LSP1: variants seen among roughly 807,000 people sequenced by gnomAD.
LSP1 encodes the protein lymphocyte-specific protein 1.
LSP1 carries 32 observed loss-of-function variants against 49.3 expected under a neutral mutation model. The ratio of observed to expected loss-of-function variants is 0.65; its 90% CI spans 0.49 to 0.87. The LOEUF is 0.87. Ranked by LOEUF, LSP1 falls within the 40% of genes least tolerant of loss-of-function variation. The probability of loss-of-function intolerance (pLI) is 0.00; values close to 1 mark genes in which losing one functional copy is unlikely to be tolerated. For synonymous variants in LSP1, 179 were observed against 178.8 expected, an observed-to-expected ratio of 1.00 and a Z score of -0.01; for missense variants, 428 against 442.6, an observed-to-expected ratio of 0.97 and a Z score of 0.30.
At chr11:1,889,553 G>A (rs1848901080) in intron 10 of LSP1, 1 of 613,186 alleles carries the variant, frequency 1.6e-6, no homozygotes, top group Non-Finnish European at 3.0e-6. Flanking sequence ...GCTGCTTCTT[G>A]AGCCACGTCC....
At chr11:1,885,113 C>T (rs536368493) in intron 7 of LSP1, among the ~76,000 whole-genome samples, 1 of 151,850 alleles carries the variant, frequency 6.6e-6, no homozygotes, top group South Asian at 2.1e-4. Context: ...TCCATCCAAT[C>T]AGTGCCTCTG....
At chr11:1,887,659 G>GCAACA in intron 10 of LSP1, 83 bp downstream of exon 10, 1 of 1,102,292 alleles carries the variant, frequency 9.1e-7, no homozygotes, top group Non-Finnish European at 1.3e-6. Flanking sequence ...GAGGCTGCCT[G>GCAACA]GAGCCCTGTT....
At position 1,865,120 on chromosome 11, in the gene LSP1, A is replaced by T. The variant is rs1589809464; in HGVS notation, c.53+11923A>T. On this transcript the variant is annotated intron_variant, in intron 1 of 10. Coordinates refer to ENST00000311604, the MANE Select transcript of LSP1 (RefSeq NM_002339.3). ...GAGGAGGGCAGCAGAGAGGAGGGCC[A>T]GCAGGACAGGAGCCTTTGAGATGCT... The T allele has an allele frequency of 3.3e-5, 28 of 845,684 alleles. No homozygotes were observed. The South Asian group carries it at 1.4e-3, about 41-fold the overall frequency. 52.4% of individuals were successfully genotyped at this position (845,684 alleles called of 1,614,324 possible).
At chr11:1,857,421 G>T (rs556374034) in intron 1 of LSP1, among the ~76,000 whole-genome samples, 2 of 152,334 alleles carry the variant, frequency 1.3e-5, no homozygotes, top group African/African-American at 4.8e-5. Context: ...AGTTCCCTGA[G>T]AACGTGCCAG....
intron 1 of LSP1, among the ~76,000 whole-genome samples, chr11:1,861,120 C>G (rs1412053406): frequency 2.0e-5 from 3 of 152,186 alleles, no homozygotes; most frequent in Admixed American, 2.0e-4. Flanking sequence ...AGGAACACTT[C>G]CTCCCATTTC....
At chr11:1,856,551 G>A (rs988826540) in intron 1 of LSP1, among the ~76,000 whole-genome samples, 5 of 152,208 alleles carry the variant, frequency 3.3e-5, no homozygotes, top group East Asian at 1.9e-4. Context: ...AGCCTCCCTC[G>A]CTTCTCTGTG....
At chr11:1,862,688 A>T (rs539431179) in intron 1 of LSP1, among the ~76,000 whole-genome samples, 1 of 151,702 alleles carries the variant, frequency 6.6e-6, no homozygotes, top group African/African-American at 2.4e-5. Flanking sequence ...TGAGTGATTT[A>T]GCTTTCCCTG....
intron 1 of LSP1, among the ~76,000 whole-genome samples, chr11:1,858,048 G>A (rs1297855486): frequency 5.3e-5 from 8 of 152,094 alleles, no homozygotes; most frequent in Non-Finnish European, 1.2e-4. Flanking sequence ...GAACCACCGC[G>A]CCCTGCCTTT....
At chr11:1,853,705 C>A (rs1417714704) in intron 1 of LSP1, among the ~76,000 whole-genome samples, 1 of 152,168 alleles carries the variant, frequency 6.6e-6, no homozygotes, top group Non-Finnish European at 1.5e-5. Context: ...GGCCTCAGGG[C>A]AGGGCACCCA....
rs778342263 is a variant in LSP1, at chr11:1,886,794, G to A, written c.780G>A (p.Val260=). The A allele has an allele frequency of 6.2e-7, 1 of 1,611,912 alleles. No individual in the cohort carries two copies. Among genetic ancestry groups the A allele is most frequent in the Admixed American group, 1.7e-5 (1 of 60,016 alleles). The part of the protein sequence containing the change: ...QASIELPSMA[V]ASTKSRWETG... The stretch of plus-strand genomic sequence containing the variant: ...CCATAGAGCTGCCCAGCATGGCTGT[G>A]GCCAGTACCAAGAGTCGGTGGGAGA... The change falls in exon 8 of 11, where the codon GTG becomes GTA. Residue 260 remains valine (V), a synonymous_variant. Coordinates refer to ENST00000311604, the MANE Select transcript of LSP1 (RefSeq NM_002339.3).
chr11:1,884,476 C>A lies in LSP1; in HGVS notation c.636-24C>A. On this transcript the variant is annotated intron_variant, in intron 6 of 10. Coordinates refer to ENST00000311604, the MANE Select transcript of LSP1 (RefSeq NM_002339.3). The surrounding 1 kb of genome is among the most constrained non-coding windows in gnomAD (Gnocchi z 4.1). ...GAGAAGCCTTGTGGGAGACATGGGG[C>A]CTGACACATCTTCTACCCTCCAGTA... 6.2e-7 allele frequency: 1 copy of A among 1,607,872 alleles called. No individual in the cohort carries two copies. Among genetic ancestry groups the A allele is most frequent in the Non-Finnish European group, 8.5e-7 (1 of 1,174,482 alleles).
chr11:1,858,398 C>T (rs548543740), intron 1 of LSP1, among the ~76,000 whole-genome samples: 61 of 152,336 alleles, frequency 4.0e-4, no homozygotes, highest in African/African-American at 1.4e-3. Context: ...TTAAAGGGAC[C>T]GTCCCGAAAA....
At chr11:1,890,707 T>C (rs1396803134) in intron 10 of LSP1, 3 of 609,920 alleles carry the variant, frequency 4.9e-6, no homozygotes, top group Non-Finnish European at 8.8e-6. Flanking sequence ...GCCTGAGTAT[T>C]CTGCTTCCTG....
chr11:1,886,654 G>A (rs772799435), intron 7 of LSP1, 78 bp from the exon 8 acceptor site: 9 of 1,454,234 alleles, frequency 6.2e-6, no homozygotes, highest in East Asian at 2.4e-5. Context: ...CAAAGCAGAC[G>A]GTTGCCCAGT....
Position 1,883,526 on chromosome 11 carries a change from TGGGGGCCGCAGG to T in LSP1, c.467_478del (p.Gly156_Gly159del), listed in dbSNP as rs1416222203. On this transcript the variant is annotated inframe_deletion, in exon 4 of 11. Coordinates refer to ENST00000311604, the MANE Select transcript of LSP1 (RefSeq NM_002339.3). The stretch of plus-strand genomic sequence containing the variant: ...CCAGAGGACACTGTCCAGGACAACC[TGGGGGCCGCAGG>T]GGCTGAGGAGGAACAGGAGGAGGTG... The T allele has an allele frequency of 1.2e-6, 2 of 1,613,440 alleles. No individual in the cohort carries two copies. The highest frequency in any genetic ancestry group is 4.5e-5 in the East Asian group (2 of 44,876).
rs1336103012 is a variant in LSP1, at chr11:1,887,252, G to A, written c.868G>A (p.Asp290Asn). ...CTGCCCCCAGGATATTGTGGCTGGAGACATGAGCAAGAAAAGCCTCTGGGA... is the reference window on the plus strand; with the variant it reads ...CTGCCCCCAGGATATTGTGGCTGGAAACATGAGCAAGAAAAGCCTCTGGGA... Reference protein sequence around the residue: ...TPSCKDIVAGDMSKKSLWEQK... With the variant: ...TPSCKDIVAGNMSKKSLWEQK... The change falls in exon 9 of 11, where the codon GAC becomes AAC. Residue 290 changes from aspartate (D) to asparagine (N), a missense_variant. Coordinates refer to ENST00000311604, the MANE Select transcript of LSP1 (RefSeq NM_002339.3). 4.4e-6 allele frequency: 7 copies of A among 1,587,868 alleles called. No homozygotes were observed. Among genetic ancestry groups the A allele is most frequent in the Non-Finnish European group, 6.0e-6 (7 of 1,164,510 alleles).
chr11:1,854,390 C>A (rs1012538514), intron 1 of LSP1, among the ~76,000 whole-genome samples: 1 of 152,094 alleles, frequency 6.6e-6, no homozygotes, highest in Admixed American at 6.5e-5. Flanking sequence ...GTCTACCCGA[C>A]CCGGGGCGGT....
chr11:1,871,734 A>G lies in LSP1; in HGVS notation c.54-8353A>G, dbSNP rs1184543345. Among the ~76,000 whole-genome samples, 3 of 142,706 alleles carry G rather than the reference A, an allele frequency of 2.1e-5. No individual in the cohort carries two copies. The East Asian group carries it at 6.5e-4, about 31-fold the overall frequency. 93.6% of individuals were successfully genotyped at this position (142,706 alleles called of 152,430 possible). A position where few individuals can be genotyped will look rare whatever the true frequency, so the allele number is the denominator to read the frequency against. On this transcript the variant is annotated intron_variant, in intron 1 of 10. Coordinates refer to ENST00000311604, the MANE Select transcript of LSP1 (RefSeq NM_002339.3). ...TCCGGCTGGCGTGGGCACCTTTGGG[A>G]GGGGGGTGTGTGTGGCGGGCAGGCC...
chr11:1,887,660 G>A, intron 10 of LSP1, 84 bp downstream of exon 10: 2 of 1,072,704 alleles, frequency 1.9e-6, no homozygotes, highest in Admixed American at 4.1e-5. Context: ...AGGCTGCCTG[G>A]AGCCCTGTTG....
Sources: gnomAD v4.1 joint callset for allele counts (sites outside exome capture counted in the v4.1 genomes callset) on GRCh38, gnomAD v4.1.1 for gene constraint, Gnocchi (gnomAD v3.1) non-coding constraint, MANE v1.5 for transcripts, NCBI Gene and HGNC (gene_info 2026-07-23, HGNC 2026-07-21) for gene names.